Variants in CASP6 observed in about 807,000 individuals in gnomAD.
CASP6 encodes caspase 6.
CASP6 carries 20 observed loss-of-function variants against 31.8 expected under a neutral mutation model. The observed-to-expected ratio is 0.63, with a 90% CI of 0.44 to 0.91. The LOEUF (loss-of-function observed/expected upper bound fraction) is 0.91. Ranked by LOEUF, CASP6 falls within the 40% of genes least tolerant of loss-of-function variation. The pLI, the probability that CASP6 is intolerant of heterozygous loss-of-function variation, is 0.00. For synonymous variants in CASP6, 130 were observed against 127.8 expected, an observed-to-expected ratio of 1.02 and a Z score of -0.12; for missense variants, 328 against 361.1, an observed-to-expected ratio of 0.91 and a Z score of 0.74.
the CASP6 span, chr4:109,664,439 T>A: frequency 2.7e-6 from 2 of 747,376 alleles, no homozygotes; most frequent in South Asian, 1.6e-5. Flanking sequence ...TTTTTTTTTT[T>A]AGATGAATTC....
At position 109,689,401 on chromosome 4, in the gene CASP6, C is replaced by T. The variant is rs749113930; in HGVS notation, c.811G>A (p.Gly271Arg). ...VDFCKDPSAIGKKQVPCFASM... is the reference protein window; with the variant it reads ...VDFCKDPSAIRKKQVPCFASM... ...GCAAAACAGGGAACCTGCTTCTTTC[C>T]AATTGCACTTGGGTCTTTGCAAAAG... is the stretch of plus-strand genomic sequence containing the variant. The change falls in exon 7 of 7, where the codon GGA (glycine) becomes AGA (arginine). Residue 271 changes from glycine to arginine, a missense_variant. Gly to Arg is a moderately radical substitution (Grantham distance 125, BLOSUM62 -2). Transcript: ENST00000265164. 3.7e-6 allele frequency: 6 copies of T among 1,614,162 alleles called. No individual in the cohort carries two copies. Among genetic ancestry groups the T allele is most frequent in the Middle Eastern group, 3.3e-4 (2 of 6,062 alleles).
chr4:109,667,754 T>C, the CASP6 span, among the ~76,000 whole-genome samples: 2 of 151,482 alleles, frequency 1.3e-5, no homozygotes, highest in Admixed American at 6.6e-5. Context: ...TCAGATCTTA[T>C]AGATGTTTAT....
intron 1 of CASP6, among the ~76,000 whole-genome samples, chr4:109,700,266 G>A (rs1286997851): frequency 6.6e-6 from 1 of 152,194 alleles, no homozygotes; most frequent in East Asian, 1.9e-4. Flanking sequence ...CTTAAGATGT[G>A]AGTTTGGGTT....
downstream of CASP6, among the ~76,000 whole-genome samples, chr4:109,683,859 A>G (rs896684768): frequency 2.6e-5 from 4 of 152,208 alleles, no homozygotes; most frequent in Admixed American, 6.5e-5. Context: ...TGGGTTTCAG[A>G]GGATGACTTC....
chr4:109,682,514 C>A, the CASP6 span: 2 of 1,293,820 alleles, frequency 1.5e-6, no homozygotes, highest in Non-Finnish European at 2.1e-6. Flanking sequence ...GAATTGGGGA[C>A]CGAAAGATTT....
chr4:109,665,946 A>G, the CASP6 span, among the ~76,000 whole-genome samples: 1 of 151,540 alleles, frequency 6.6e-6, no homozygotes, highest in South Asian at 2.1e-4. Context: ...AAAGGGGGAG[A>G]GTGGGAGGAA....
At chr4:109,684,773 T>C (rs922015115), downstream of CASP6, 1 of 585,306 alleles carries the variant, frequency 1.7e-6, no homozygotes, top group Non-Finnish European at 3.0e-6. Context: ...AGCTGGTAAA[T>C]TTTTTATTGT....
At chr4:109,692,261 T>C (rs1311472071) in intron 5 of CASP6, 3 of 152,146 alleles carry the variant, frequency 2.0e-5, no homozygotes, top group African/African-American at 7.2e-5. Context: ...CCTAATGACA[T>C]CACCTGCCCA....
chr4:109,696,360 A>C, intron 4 of CASP6, 50 bp downstream of exon 4: 1 of 1,291,940 alleles, frequency 7.7e-7, no homozygotes, highest in Non-Finnish European at 1.1e-6. Context: ...AGGATAAAGG[A>C]CTCGGTTTCA....
At chr4:109,681,581 A>AG in the CASP6 span, 1 of 349,194 alleles carries the variant, frequency 2.9e-6, no homozygotes, top group Non-Finnish European at 5.7e-6. Flanking sequence ...GCAGTGTTAC[A>AG]GCTCTATTAG....
chr4:109,705,681 A>G (rs1730578183), upstream of CASP6, among the ~76,000 whole-genome samples: 1 of 151,934 alleles, frequency 6.6e-6, no homozygotes, highest in Non-Finnish European at 1.5e-5. Flanking sequence ...AAAAACGAAA[A>G]ATTAAAAGTA....
At chr4:109,670,188 C>G in the CASP6 span, among the ~76,000 whole-genome samples, 2 of 152,090 alleles carry the variant, frequency 1.3e-5, no homozygotes, top group East Asian at 3.9e-4. Flanking sequence ...GTTCTGTAGT[C>G]CTATGATTAA....
rs1579106885 is a variant in CASP6, at chr4:109,692,013, A to G, written c.484-1004T>C. The G allele has an allele frequency of 2.6e-5, 4 of 152,364 alleles. No homozygotes were observed. In the South Asian group the frequency reaches 8.3e-4, roughly 32 times the overall value. The allele number at this position is 152,364 out of a possible 1,614,324, so 9.4% of individuals were successfully genotyped here. On this transcript the variant is annotated intron_variant, in intron 5 of 6. Coordinates refer to ENST00000265164, the MANE Select transcript of CASP6 (RefSeq NM_001226.4). ...TGGTACTTTGTTATGGTCACCCTAT[A>G]CACGAATACAGCCAGCCAATAAGAT...
intron 2 of CASP6, among the ~76,000 whole-genome samples, chr4:109,697,981 C>T (rs1397994203): frequency 6.6e-6 from 1 of 152,202 alleles, no homozygotes; most frequent in Non-Finnish European, 1.5e-5. Flanking sequence ...CATCCTGACA[C>T]ATCCCTAACC....
intron 4 of CASP6, among the ~76,000 whole-genome samples, chr4:109,695,683 G>T (rs1730216633): frequency 6.6e-6 from 1 of 150,752 alleles, no homozygotes; most frequent in South Asian, 2.1e-4. Context: ...GGAGGCTGCA[G>T]TGAGCTGAGA....
At chr4:109,680,899 G>C in the CASP6 span, among the ~76,000 whole-genome samples, 1 of 152,148 alleles carries the variant, frequency 6.6e-6, no homozygotes, top group Non-Finnish European at 1.5e-5. Flanking sequence ...GCTCTCAGAA[G>C]GGTATCAATC....
At chr4:109,677,687 G>T in the CASP6 span, among the ~76,000 whole-genome samples, 6 of 151,686 alleles carry the variant, frequency 4.0e-5, no homozygotes, top group Non-Finnish European at 8.8e-5. Context: ...TCTCACCCAC[G>T]TAATGCTTTC....
the CASP6 span, among the ~76,000 whole-genome samples, chr4:109,677,873 G>T: frequency 1.2e-4 from 16 of 138,584 alleles, no homozygotes; most frequent in Non-Finnish European, 2.0e-4. Context: ...AGAGGGGGAT[G>T]TGGCAGGGTC....
chr4:109,687,181 T>TC (rs1016477023), downstream of CASP6, among the ~76,000 whole-genome samples: 1 of 151,784 alleles, frequency 6.6e-6, no homozygotes, highest in African/African-American at 2.4e-5. Flanking sequence ...ATGGCAAAAC[T>TC]CCATCTCTAC....
Sources: allele counts gnomAD v4.1 joint callset (sites outside exome capture counted in the v4.1 genomes callset), GRCh38; gene constraint gnomAD v4.1.1; transcripts MANE v1.5; gene names NCBI Gene and HGNC (gene_info 2026-07-23, HGNC 2026-07-21).